HYAL4: variants seen among roughly 807,000 people sequenced by gnomAD.
HYAL4 encodes the protein hyaluronidase 4.
Under a neutral mutation model 35.2 loss-of-function variants are expected in HYAL4, and 37 were observed. The observed-to-expected ratio is 1.05, with a 90% CI of 0.81 to 1.38. The LOEUF is 1.38. Among genes scored for constraint, HYAL4 ranks in the 40% most tolerant of loss-of-function variants. The probability of loss-of-function intolerance (pLI) is 0.00; values close to 1 mark genes in which losing one functional copy is unlikely to be tolerated. For missense variants in HYAL4, 572 were observed against 572.4 expected (o/e 1.00, Z 0.01); for synonymous variants, 198 against 203.2 (o/e 0.97, Z 0.22).
chr7:123,865,263 C>T (rs1326482976), intron 2 of HYAL4, among the ~76,000 whole-genome samples: 1 of 152,120 alleles, frequency 6.6e-6, no homozygotes, highest in Non-Finnish European at 1.5e-5. Context: ...CAAATATAGT[C>T]TTTTCTAATG....
At chr7:123,856,398 G>T (rs1013558537) in intron 2 of HYAL4, among the ~76,000 whole-genome samples, 3 of 152,070 alleles carry the variant, frequency 2.0e-5, no homozygotes, top group Admixed American at 6.5e-5. Flanking sequence ...CCTTTTTGTT[G>T]ATGTTGATGT....
chr7:123,764,503 A>G, the HYAL4 span, among the ~76,000 whole-genome samples: 1 of 152,212 alleles, frequency 6.6e-6, no homozygotes, highest in Non-Finnish European at 1.5e-5. Flanking sequence ...TTTCATGAAG[A>G]TGATCCTCCA....
Position 123,868,989 on chromosome 7 carries a change from A to C in HYAL4, c.716A>C (p.Glu239Ala). ...YAPNYSGSCP[E>A]DEVLRNNELS... ...CCAAACTACTCTGGGTCATGCCCAGAAGACGAAGTCTTGAGGAACAATGAG... is the reference window on the plus strand; with the variant it reads ...CCAAACTACTCTGGGTCATGCCCAGCAGACGAAGTCTTGAGGAACAATGAG... Residue 239 changes from glutamate (E) to alanine (A), a missense_variant, in exon 3 of 5, where the codon GAA becomes GCA. Coordinates refer to ENST00000223026, the MANE Select transcript of HYAL4 (RefSeq NM_012269.3). The C allele has an allele frequency of 6.2e-7, 1 of 1,613,856 alleles. No individual in the cohort carries two copies. Among genetic ancestry groups the C allele is most frequent in the Non-Finnish European group, 8.5e-7 (1 of 1,179,836 alleles).
the HYAL4 span, among the ~76,000 whole-genome samples, chr7:123,808,027 G>A: frequency 3.3e-5 from 5 of 150,570 alleles, no homozygotes; most frequent in South Asian, 6.3e-4. Context: ...CTCCCACCTC[G>A]GCCCCCCAAA....
chr7:123,866,555 G>A (rs1255637363), intron 2 of HYAL4, among the ~76,000 whole-genome samples: 1 of 152,166 alleles, frequency 6.6e-6, no homozygotes, highest in Non-Finnish European at 1.5e-5. Context: ...AAGGACAAAT[G>A]TCTACTGGAC....
chr7:123,808,622 T>A, the HYAL4 span, among the ~76,000 whole-genome samples: 1 of 152,212 alleles, frequency 6.6e-6, no homozygotes, highest in Admixed American at 6.5e-5. Flanking sequence ...AGAAAGCTGA[T>A]GCCCTTTCTC....
rs75834862 is a variant in HYAL4 at position 123,862,608 on chromosome 7, C to T, written c.-51-5615C>T. ...CTTAGAGTTGCAATCAAAATGAAAA[C>T]AAATTAGTGCAATTAATTTATTGAT... On this transcript the variant is annotated intron_variant, in intron 2 of 4. Transcript: ENST00000223026. Among the ~76,000 whole-genome samples the T allele has an allele frequency of 3.1e-4, 47 of 152,276 alleles. No individual in the cohort carries two copies. In the East Asian group the frequency reaches 9.1e-3, roughly 29 times the overall value.
chr7:123,830,650 A>T (rs1037510921), intron 1 of HYAL4, among the ~76,000 whole-genome samples: 1 of 152,190 alleles, frequency 6.6e-6, no homozygotes, highest in Non-Finnish European at 1.5e-5. Context: ...GAAGGAATTT[A>T]TGTATTCATT....
intron 1 of HYAL4, among the ~76,000 whole-genome samples, chr7:123,832,211 G>A (rs577957119): frequency 5.9e-5 from 9 of 151,998 alleles, no homozygotes; most frequent in Admixed American, 3.3e-4. Context: ...TCCATTTTTT[G>A]AATATTAGAA....
chr7:123,820,187 C>T, the HYAL4 span, among the ~76,000 whole-genome samples: 1 of 151,964 alleles, frequency 6.6e-6, no homozygotes, highest in Non-Finnish European at 1.5e-5. Flanking sequence ...GCCACTGTAC[C>T]TGGCCCAAAA....
chr7:123,829,407 A>T (rs182957310), intron 1 of HYAL4, among the ~76,000 whole-genome samples: 7 of 152,302 alleles, frequency 4.6e-5, no homozygotes, highest in Non-Finnish European at 1.5e-5. Flanking sequence ...AATACCAAAC[A>T]GTAGCAAGTG....
upstream of HYAL4, among the ~76,000 whole-genome samples, chr7:123,828,196 A>G (rs1420022834): frequency 6.6e-6 from 1 of 152,194 alleles, no homozygotes. Context: ...TTTGGTGTAA[A>G]TAATGATCTT....
At chr7:123,826,133 C>G (rs1584905798), upstream of HYAL4, among the ~76,000 whole-genome samples, 4 of 151,880 alleles carry the variant, frequency 2.6e-5, no homozygotes, top group Admixed American at 2.6e-4. Context: ...AGCTAATGCT[C>G]CAGATACACA....
chr7:123,832,893 G>T (rs546174664), intron 1 of HYAL4, among the ~76,000 whole-genome samples: 3 of 152,076 alleles, frequency 2.0e-5, no homozygotes, highest in Non-Finnish European at 4.4e-5. Flanking sequence ...TAGAATAATA[G>T]TCTCTAATCC....
At position 123,868,957 on chromosome 7, in the gene HYAL4, T is replaced by G. The variant is rs368075492; in HGVS notation, c.684T>G (p.Val228=). The change falls in exon 3 of 5, where the codon GTT becomes GTG. Residue 228 remains valine (V), a synonymous_variant. Transcript: ENST00000223026. ...ATCCTGATTGCCACAATTATAACGT[T>G]TATGCCCCAAACTACTCTGGGTCAT... ...YLYPDCHNYN[V]YAPNYSGSCP... 1.7e-5 allele frequency: 27 copies of G among 1,613,874 alleles called. No homozygotes were observed. Among genetic ancestry groups the G allele is most frequent in the Non-Finnish European group, 2.1e-5 (25 of 1,180,002 alleles).
chr7:123,847,472 A>AT (rs1449768707), intron 1 of HYAL4, among the ~76,000 whole-genome samples: 11 of 152,066 alleles, frequency 7.2e-5, no homozygotes, highest in Non-Finnish European at 1.3e-4. Flanking sequence ...ATTAGGATCT[A>AT]TTTTTTTAAT....
chr7:123,806,537 A>G, the HYAL4 span, among the ~76,000 whole-genome samples: 1 of 151,734 alleles, frequency 6.6e-6, no homozygotes, highest in South Asian at 2.1e-4. Flanking sequence ...TCTGCCTCAC[A>G]GGTTCAAGCG....
Position 123,874,845 on chromosome 7 carries a change from TC to T in HYAL4, c.1041del (p.Lys348ArgfsTer7). The T allele has an allele frequency of 6.4e-7, 1 of 1,554,678 alleles. No individual in the cohort carries two copies. ...TTGGGGAGACATGAATTTAACTGCATCCAAGGTAAGTCAGTATCTTGAAGGT... is the reference window on the plus strand; with the variant it reads ...TTGGGGAGACATGAATTTAACTGCATCAAGGTAAGTCAGTATCTTGAAGGT... ...VIWGDMNLTA[S>X]KANCTKVKQF... On this transcript the variant is annotated frameshift_variant, in exon 4 of 5. Coordinates refer to ENST00000223026, the MANE Select transcript of HYAL4 (RefSeq NM_012269.3). LOFTEE classifies it low-confidence loss of function (END_TRUNC).
chr7:123,868,997 G>C lies in HYAL4; in HGVS notation c.724G>C (p.Val242Leu). 6.2e-7 allele frequency: 1 copy of C among 1,613,878 alleles called. No individual in the cohort carries two copies. Among genetic ancestry groups the C allele is most frequent in the Non-Finnish European group, 8.5e-7 (1 of 1,179,840 alleles). ...CTCTGGGTCATGCCCAGAAGACGAA[G>C]TCTTGAGGAACAATGAGCTCTCTTG... ...NYSGSCPEDE[V>L]LRNNELSWLW... Residue 242 changes from valine (V) to leucine (L), a missense_variant, in exon 3 of 5, where the codon GTC becomes CTC. Physicochemically the swap from Val to Leu is conservative, Grantham distance 32. Coordinates refer to ENST00000223026, the MANE Select transcript of HYAL4 (RefSeq NM_012269.3).
Sources: allele counts gnomAD v4.1 joint callset (sites outside exome capture counted in the v4.1 genomes callset), GRCh38; gene constraint gnomAD v4.1.1; transcripts MANE v1.5; gene names NCBI Gene and HGNC (gene_info 2026-07-23, HGNC 2026-07-21).